CNTNAP2: variants seen among roughly 807,000 people sequenced by gnomAD.
CNTNAP2 encodes the protein contactin associated protein 2.
Under a neutral mutation model 155.2 loss-of-function variants are expected in CNTNAP2, and 98 were observed. That is an observed-to-expected ratio of 0.63 (90% confidence interval 0.54 to 0.75). CNTNAP2 has a LOEUF of 0.75. Among genes scored for constraint, CNTNAP2 ranks in the 30% least tolerant of loss-of-function variants. The probability of loss-of-function intolerance (pLI) is 0.00; values close to 1 mark genes in which losing one functional copy is unlikely to be tolerated. For missense variants in CNTNAP2, 1,727 were observed against 1,688.1 expected, an observed-to-expected ratio of 1.02 and a Z score of -0.40; for synonymous variants, 651 against 631.2, an observed-to-expected ratio of 1.03 and a Z score of -0.47.
At chr7:146,585,824 T>TGAGAGAGAGAGAGAAAGAA (rs1798682848) in intron 1 of CNTNAP2, among the ~76,000 whole-genome samples, 1 of 147,532 alleles carries the variant, frequency 6.8e-6, no homozygotes, top group Non-Finnish European at 1.5e-5. Flanking sequence ...AGGGAAGGAA[T>TGAGAGAGAGAGAGAAAGAA]GAGAGAGAGA....
intron 13 of CNTNAP2, among the ~76,000 whole-genome samples, chr7:147,873,598 G>A (rs1169156936): frequency 3.3e-5 from 5 of 152,098 alleles, no homozygotes; most frequent in Admixed American, 3.3e-4. Flanking sequence ...GGGGATTATG[G>A]GAGCTACAAT....
In CNTNAP2 at chr7:147,701,194, T is replaced by C. The variant is rs577594515; in HGVS notation, c.2098+61888T>C. On this transcript the variant is annotated intron_variant, in intron 13 of 23. Coordinates refer to ENST00000361727, the MANE Select transcript of CNTNAP2 (RefSeq NM_014141.6). ...CTTAGACATTTTAGATGTTGGACCATTGTAGCTGAATATTTCTCTTCCCTT... is the reference window on the plus strand; with the variant it reads ...CTTAGACATTTTAGATGTTGGACCACTGTAGCTGAATATTTCTCTTCCCTT... Among the ~76,000 whole-genome samples, 3 of 152,314 alleles carry C rather than the reference T, an allele frequency of 2.0e-5. 1 individual carries two copies. In the South Asian group the frequency reaches 6.2e-4, roughly 32 times the overall value.
At chr7:146,733,445 T>C (rs1220693827) in intron 1 of CNTNAP2, among the ~76,000 whole-genome samples, 1 of 152,136 alleles carries the variant, frequency 6.6e-6, no homozygotes, top group Admixed American at 6.5e-5. Context: ...ATAAAATATA[T>C]ACATTTAAAT....
intron 17 of CNTNAP2, among the ~76,000 whole-genome samples, chr7:148,169,734 G>A (rs1382043003): frequency 6.6e-6 from 1 of 152,178 alleles, no homozygotes; most frequent in African/African-American, 2.4e-5. Context: ...GGCCAAGGCA[G>A]GCAGATCACG....
chr7:147,462,244 A>G (rs773823262), intron 10 of CNTNAP2, among the ~76,000 whole-genome samples: 1 of 152,190 alleles, frequency 6.6e-6, no homozygotes, highest in Admixed American at 6.5e-5. Flanking sequence ...TATCCTGCCC[A>G]TGCGTCTACG....
At chr7:147,108,080 A>T in intron 4 of CNTNAP2, 67 bp from the exon 5 acceptor site, 1 of 1,365,420 alleles carries the variant, frequency 7.3e-7, no homozygotes, top group Non-Finnish European at 1.0e-6. Flanking sequence ...TTCTTTGCAG[A>T]CACCTGTTGG....
rs190574005 is a variant in CNTNAP2, at chr7:147,652,918, A to T, written c.2098+13612A>T. ...TGTTAAGTAGTAGGCCAAAAGAGAC[A>T]TTTATAAGAGCTGCACAAACTTCTT... is the stretch of plus-strand genomic sequence containing the variant. On this transcript the variant is annotated intron_variant, in intron 13 of 23. Coordinates refer to ENST00000361727, the MANE Select transcript of CNTNAP2 (RefSeq NM_014141.6). Among the ~76,000 whole-genome samples the T allele has an allele frequency of 2.1e-3, 326 of 152,304 alleles. 3 individuals are homozygous for T. Among genetic ancestry groups the T allele is most frequent in the Non-Finnish European group, 9.7e-4 (66 of 68,016 alleles).
intron 13 of CNTNAP2, among the ~76,000 whole-genome samples, chr7:147,816,222 C>T (rs1798264128): frequency 6.6e-6 from 1 of 151,902 alleles, no homozygotes; most frequent in African/African-American, 2.4e-5. Context: ...TTCTGTGGAT[C>T]ACCAGGAGCC....
chr7:147,719,633 A>C (rs1274345924), intron 13 of CNTNAP2, among the ~76,000 whole-genome samples: 1 of 152,126 alleles, frequency 6.6e-6, no homozygotes, highest in Non-Finnish European at 1.5e-5. Flanking sequence ...ATCTTAAATT[A>C]TCTCACTAGG....
intron 1 of CNTNAP2, among the ~76,000 whole-genome samples, chr7:146,759,732 G>C (rs1471559491): frequency 3.4e-5 from 5 of 149,106 alleles, no homozygotes; most frequent in South Asian, 2.1e-4. Context: ...GTGGGGTGGG[G>C]TGTGAGAGCA....
rs117905906 is a variant in CNTNAP2 at position 146,853,207 on chromosome 7, T to C, written c.402+13303T>C. ...AAATAAAAAGGTATGATTACATATC[T>C]TTAATATGACAGCATTTTCTTGAAA... is the stretch of plus-strand genomic sequence containing the variant. On this transcript the variant is annotated intron_variant, in intron 3 of 23. Transcript: ENST00000361727. Among the ~76,000 whole-genome samples the C allele has an allele frequency of 6.2e-3, 947 of 152,338 alleles. 2 individuals carry two copies. Among genetic ancestry groups the C allele is most frequent in the Non-Finnish European group, 0.011 (750 of 68,026 alleles).
chr7:147,859,934 T>C (rs1386758754), intron 13 of CNTNAP2, among the ~76,000 whole-genome samples: 1 of 152,208 alleles, frequency 6.6e-6, no homozygotes, highest in Non-Finnish European at 1.5e-5. Context: ...TATACTGATA[T>C]TGCAAACTGG....
intron 1 of CNTNAP2, among the ~76,000 whole-genome samples, chr7:146,339,248 CAT>C (rs1302915765): frequency 6.6e-6 from 1 of 151,800 alleles, no homozygotes; most frequent in East Asian, 1.9e-4. Context: ...CATATGTACA[CAT>C]ATGCGTGTAC....
At chr7:147,139,855 G>A (rs990517587) in intron 8 of CNTNAP2, among the ~76,000 whole-genome samples, 3 of 151,978 alleles carry the variant, frequency 2.0e-5, no homozygotes, top group Non-Finnish European at 4.4e-5. Context: ...AAAATTTTGG[G>A]AGAGTCATTC....
chr7:148,049,892 G>C (rs1802853347), intron 15 of CNTNAP2, among the ~76,000 whole-genome samples: 2 of 152,196 alleles, frequency 1.3e-5, no homozygotes, highest in African/African-American at 4.8e-5. Context: ...GCAGGGTACA[G>C]TGGCTCATGC....
At chr7:146,553,748 C>T (rs150414106) in intron 1 of CNTNAP2, among the ~76,000 whole-genome samples, 1 of 151,848 alleles carries the variant, frequency 6.6e-6, no homozygotes, top group African/African-American at 2.4e-5. Context: ...TTCAATGGAA[C>T]ATTCTAAAAA....
At position 146,753,759 on chromosome 7, in the gene CNTNAP2, A is replaced by C. The variant is rs1027182718; in HGVS notation, c.98-20512A>C. On this transcript the variant is annotated intron_variant, in intron 1 of 23. Transcript: ENST00000361727. The stretch of plus-strand genomic sequence containing the variant: ...CCATCTTTTAGAACATTTATTTACC[A>C]GTTCTCTTGTATTTTTCTCAGCTGT... Among the ~76,000 whole-genome samples, 6 of 152,074 alleles carry C rather than the reference A, an allele frequency of 3.9e-5. No individual in the cohort carries two copies. The East Asian group carries it at 1.2e-3, about 29-fold the overall frequency.
rs114705264 is a variant in CNTNAP2, at chr7:147,913,774, G to T, written c.2255+10053G>T. ...CCTCAGTTTTCTCTTATCTACAGTG[G>T]AGATGAAAAGAGCGTGTCTCCAGAG... On this transcript the variant is annotated intron_variant, in intron 14 of 23. Coordinates refer to ENST00000361727, the MANE Select transcript of CNTNAP2 (RefSeq NM_014141.6). Among the ~76,000 whole-genome samples, 1,387 of 152,220 alleles carry T rather than the reference G, an allele frequency of 9.1e-3. 13 individuals carry two copies. The highest frequency in any genetic ancestry group is 0.032 in the African/African-American group (1,327 of 41,522).
intron 1 of CNTNAP2, among the ~76,000 whole-genome samples, chr7:146,721,499 T>G (rs1356112755): frequency 7.7e-6 from 1 of 129,932 alleles, no homozygotes; most frequent in Non-Finnish European, 1.5e-5. Context: ...ACATTCTATA[T>G]ATATTCTATA....
Sources: allele counts gnomAD v4.1 joint callset (sites outside exome capture counted in the v4.1 genomes callset), GRCh38; gene constraint gnomAD v4.1.1; transcripts MANE v1.5; gene names NCBI Gene and HGNC (gene_info 2026-07-23, HGNC 2026-07-21).